Variants in ESYT2 observed in about 807,000 individuals in gnomAD.
ESYT2 encodes the protein extended synaptotagmin 2.
Under a neutral mutation model 107.2 loss-of-function variants are expected in ESYT2, and 54 were observed. The observed-to-expected ratio is 0.50, with a 90% CI of 0.40 to 0.63. The LOEUF is 0.63. ESYT2 is among the 30% of genes least tolerant of loss of function. The pLI is 0.00. For synonymous variants in ESYT2, 491 were observed against 434.1 expected, an observed-to-expected ratio of 1.13 and a Z score of -1.63; for missense variants, 1,020 against 1,094.5, an observed-to-expected ratio of 0.93 and a Z score of 0.96.
At chr7:158,781,220 G>C (rs1838780782) in intron 6 of ESYT2, among the ~76,000 whole-genome samples, 1 of 152,036 alleles carries the variant, frequency 6.6e-6, no homozygotes, top group African/African-American at 2.4e-5. Context: ...TGTGAGAACA[G>C]TGTGAGGTGT....
chr7:158,759,521 G>A lies in ESYT2; in HGVS notation c.1384C>T (p.Leu462=), dbSNP rs1837886936. The A allele has an allele frequency of 1.2e-6, 2 of 1,611,820 alleles. No individual in the cohort carries two copies. Among genetic ancestry groups the A allele is most frequent in the South Asian group, 2.2e-5 (2 of 91,012 alleles). The part of the protein sequence containing the change: ...QANDGLSSAL[L]ILYLDSARNL... Reference sequence around the variant, plus strand: ...CTTGCTGAATCCAAGTACAAGATCAGCAATGCAGAGGAAAGACCATCGTTG... The same window carrying A: ...CTTGCTGAATCCAAGTACAAGATCAACAATGCAGAGGAAAGACCATCGTTG... Residue 462 remains leucine, a synonymous_variant, in exon 13 of 23, where the codon CTG becomes TTG. Coordinates refer to ENST00000275418, the MANE Select transcript of ESYT2 (RefSeq NM_001367773.1).
chr7:158,760,292 T>C (rs1357996634), intron 11 of ESYT2, 145 bp from the exon 12 acceptor site: 1 of 692,746 alleles, frequency 1.4e-6, no homozygotes, highest in Non-Finnish European at 2.5e-6. Flanking sequence ...AGCCTCACCA[T>C]ATCCAGCTCT....
chr7:158,798,982 C>T (rs1259587115), intron 2 of ESYT2, 49 bp downstream of exon 2: 37 of 1,551,612 alleles, frequency 2.4e-5, no homozygotes, highest in Non-Finnish European at 3.3e-5. Flanking sequence ...GATGGTATCT[C>T]ATCCTCCAAT....
chr7:158,737,622 C>T (rs1354642093), intron 19 of ESYT2, among the ~76,000 whole-genome samples: 1 of 152,184 alleles, frequency 6.6e-6, no homozygotes. Context: ...TCTTCGCTTG[C>T]TGACTGACCA....
At chr7:158,817,107 A>G (rs1193199728) in intron 1 of ESYT2, among the ~76,000 whole-genome samples, 1 of 152,348 alleles carries the variant, frequency 6.6e-6, no homozygotes, top group African/African-American at 2.4e-5. Flanking sequence ...GCTCCCAACT[A>G]TCTGAACAGC....
chr7:158,797,894 A>G, intron 3 of ESYT2, 48 bp downstream of exon 3: 1 of 1,572,330 alleles, frequency 6.4e-7, no homozygotes, highest in Non-Finnish European at 8.6e-7. Flanking sequence ...TTGTGTTTTC[A>G]CAGCAATCTG....
chr7:158,804,316 C>A (rs1201828418), intron 1 of ESYT2, among the ~76,000 whole-genome samples: 1 of 120,114 alleles, frequency 8.3e-6, no homozygotes, highest in African/African-American at 3.6e-5. Context: ...GGGTGAGGCG[C>A]GCGACAAACC....
At chr7:158,820,988 C>T (rs1840271812) in intron 1 of ESYT2, among the ~76,000 whole-genome samples, 1 of 152,158 alleles carries the variant, frequency 6.6e-6, no homozygotes, top group African/African-American at 2.4e-5. Flanking sequence ...ATAAATTCAT[C>T]AAGACTCATT....
In ESYT2 at chr7:158,761,545, CTA is replaced by C. The variant is rs1435544881; in HGVS notation, c.1185-3_1185-2del. The C allele has an allele frequency of 9.3e-6, 15 of 1,613,120 alleles. No individual in the cohort carries two copies. Among genetic ancestry groups the C allele is most frequent in the Non-Finnish European group, 1.3e-5 (15 of 1,179,372 alleles). ...AACTTCAATGAGGTCAATCATAAGACTATAAAAATAACAATACGACAACTTTA... is the reference window on the plus strand; with the variant it reads ...AACTTCAATGAGGTCAATCATAAGACTAAAAATAACAATACGACAACTTTA... On this transcript the variant is annotated splice_acceptor_variant and splice_polypyrimidine_tract_variant and intron_variant, in intron 10 of 22. Transcript: ENST00000275418. LOFTEE classifies it high-confidence loss of function.
At chr7:158,789,670 T>C (rs984008380) in intron 4 of ESYT2, among the ~76,000 whole-genome samples, 2 of 152,158 alleles carry the variant, frequency 1.3e-5, no homozygotes, top group African/African-American at 4.8e-5. Context: ...ATCATTTTAT[T>C]TTCTAATACT....
chr7:158,739,081 G>A lies in ESYT2; in HGVS notation c.2209C>T (p.Leu737=). ...CTCTGCGAGCTGTGCCGGATGGTCA[G>A]CTGGATCTGCCCCAGTGGAGACTGT... The part of the protein sequence containing the change: ...LGQSPLGQIQ[L]TIRHSSQRNK... The change falls in exon 19 of 23, where the codon CTG becomes TTG. Residue 737 remains leucine, a synonymous_variant. Coordinates refer to ENST00000275418, the MANE Select transcript of ESYT2 (RefSeq NM_001367773.1). The A allele has an allele frequency of 6.2e-7, 1 of 1,614,132 alleles. No homozygotes were observed. Among genetic ancestry groups the A allele is most frequent in the South Asian group, 1.1e-5 (1 of 91,086 alleles).
chr7:158,778,907 T>C (rs562493359), intron 6 of ESYT2, among the ~76,000 whole-genome samples: 15 of 152,118 alleles, frequency 9.9e-5, no homozygotes, highest in Admixed American at 5.2e-4. Context: ...TTAAAAAGTA[T>C]GTTTCTGTTT....
At chr7:158,798,109 A>C in intron 2 of ESYT2, 33 bp from the exon 3 acceptor site, 1 of 1,612,424 alleles carries the variant, frequency 6.2e-7, no homozygotes, top group Non-Finnish European at 8.5e-7. Flanking sequence ...TTTAAACAAA[A>C]TGCTATATAA....
chr7:158,758,358 G>A (rs373993181), intron 13 of ESYT2, among the ~76,000 whole-genome samples: 6 of 152,324 alleles, frequency 3.9e-5, no homozygotes, highest in East Asian at 1.9e-4. Context: ...AGCCAAGGGC[G>A]TGCATATCGT....
chr7:158,798,155 G>C (rs149930795), intron 2 of ESYT2, 79 bp from the exon 3 acceptor site: 142 of 1,468,672 alleles, frequency 9.7e-5, no homozygotes, highest in Non-Finnish European at 1.3e-4. Context: ...AGAAACCCTC[G>C]CAACAGACCA....
intron 1 of ESYT2, among the ~76,000 whole-genome samples, chr7:158,811,532 T>C (rs891779936): frequency 6.6e-5 from 10 of 152,210 alleles, no homozygotes; most frequent in Non-Finnish European, 1.0e-4. Flanking sequence ...AGATGAACCA[T>C]GCGCGTTCAC....
At chr7:158,810,963 G>A (rs910241295) in intron 1 of ESYT2, among the ~76,000 whole-genome samples, 1 of 149,734 alleles carries the variant, frequency 6.7e-6, no homozygotes, top group Admixed American at 6.7e-5. Flanking sequence ...TGGCTGGATT[G>A]TATGGTATGT....
intron 20 of ESYT2, among the ~76,000 whole-genome samples, chr7:158,736,711 T>C (rs977964907): frequency 9.9e-5 from 15 of 152,218 alleles, no homozygotes; most frequent in African/African-American, 4.8e-5. Context: ...AATATATGTA[T>C]CCTTAAATTC....
intron 3 of ESYT2, among the ~76,000 whole-genome samples, chr7:158,796,616 G>A (rs1222664266): frequency 6.6e-6 from 1 of 152,236 alleles, no homozygotes; most frequent in Non-Finnish European, 1.5e-5. Flanking sequence ...GACACGTGGT[G>A]GAGAAAAAGT....
Sources: allele counts gnomAD v4.1 joint callset (sites outside exome capture counted in the v4.1 genomes callset), GRCh38; gene constraint gnomAD v4.1.1; transcripts MANE v1.5; gene names NCBI Gene and HGNC (gene_info 2026-07-23, HGNC 2026-07-21).